The following LPXN variants were observed in gnomAD, a reference collection of about 807,000 sequenced individuals.
LPXN encodes leupaxin.
Under a neutral mutation model 45.6 loss-of-function variants are expected in LPXN, and 28 were observed. The ratio of observed to expected loss-of-function variants is 0.61; its 90% CI spans 0.45 to 0.84. The LOEUF is 0.84. Among genes scored for constraint, LPXN ranks in the 40% least tolerant of loss-of-function variants. The pLI is 0.00. For missense variants in LPXN, 459 were observed against 475.0 expected (o/e 0.97, Z 0.31); for synonymous variants, 166 against 169.9 (o/e 0.98, Z 0.18).
intron 7 of LPXN, among the ~76,000 whole-genome samples, chr11:58,535,048 AG>A (rs1853507357): frequency 1.3e-5 from 2 of 152,208 alleles, no homozygotes; most frequent in Non-Finnish European, 2.9e-5. Flanking sequence ...ACCAAAAAAA[AG>A]TCCGGGACCA....
chr11:58,528,013 T>C (rs1183566015), intron 8 of LPXN, 30 bp downstream of exon 8: 1 of 1,600,376 alleles, frequency 6.2e-7, no homozygotes, highest in African/African-American at 1.3e-5. Flanking sequence ...TGACTTTCCC[T>C]AAGTCCGAAA....
Position 58,550,023 on chromosome 11 carries a change from G to A in LPXN, c.610C>T (p.His204Tyr). 1 of 1,614,228 alleles carries A rather than the reference G, an allele frequency of 6.2e-7. No homozygotes were observed. The highest frequency in any genetic ancestry group is 8.5e-7 in the Non-Finnish European group (1 of 1,180,048). ...GCACAGCGTGGAGAAAAAAGTTGGTGGTAGTCGTTGGGGCAGTAGGCCAAG... is the reference window on the plus strand; with the variant it reads ...GCACAGCGTGGAGAAAAAAGTTGGTAGTAGTCGTTGGGGCAGTAGGCCAAG... ...SGLAYCPNDY[H>Y]QLFSPRCAYC... is the part of the protein sequence containing the mutation. The change falls in exon 6 of 9, where the codon CAC becomes TAC. Residue 204 changes from histidine to tyrosine, a missense_variant. Transcript: ENST00000395074.
Position 58,575,816 on chromosome 11 carries a change from C to T in LPXN, c.-44G>A. The T allele has an allele frequency of 6.2e-7, 1 of 1,614,166 alleles. No individual in the cohort carries two copies. Among genetic ancestry groups the T allele is most frequent in the Non-Finnish European group, 8.5e-7 (1 of 1,180,018 alleles). On this transcript the variant is annotated 5_prime_UTR_variant, in exon 1 of 9. Transcript: ENST00000395074. The stretch of plus-strand genomic sequence containing the variant: ...CTCTTGTCTCACAGGCCGTGAGGAA[C>T]AGCTTTGGCATGTGCTGAAGAAGAG...
intron 1 of LPXN, among the ~76,000 whole-genome samples, chr11:58,574,508 ATAAG>A (rs1248483618): frequency 2.6e-5 from 4 of 152,174 alleles, no homozygotes; most frequent in East Asian, 3.9e-4. Context: ...GATTTACTAA[ATAAG>A]TATTAGTTTC....
chr11:58,548,802 A>C (rs1456170471), intron 7 of LPXN, among the ~76,000 whole-genome samples: 3 of 152,182 alleles, frequency 2.0e-5, no homozygotes, highest in African/African-American at 4.8e-5. Flanking sequence ...CAAATACCAC[A>C]ACCCAGATTT....
intron 5 of LPXN, 88 bp from the exon 6 acceptor site, chr11:58,550,234 A>G: frequency 8.1e-7 from 1 of 1,237,412 alleles, no homozygotes; most frequent in Non-Finnish European, 1.2e-6. Context: ...CACTCTTCAC[A>G]TTGTACCCCT....
intron 1 of LPXN, among the ~76,000 whole-genome samples, chr11:58,574,155 G>A (rs940579225): frequency 9.9e-5 from 15 of 152,156 alleles, no homozygotes; most frequent in African/African-American, 3.4e-4. Context: ...GTAGCCAACT[G>A]GATAATCTGC....
At chr11:58,571,128 G>C (rs1854682907) in intron 1 of LPXN, among the ~76,000 whole-genome samples, 1 of 152,024 alleles carries the variant, frequency 6.6e-6, no homozygotes. Context: ...GATCCCTTGA[G>C]CCTAGGAGTT....
upstream of LPXN, chr11:58,578,042 G>A: frequency 1.9e-6 from 3 of 1,550,936 alleles, no homozygotes; most frequent in East Asian, 2.4e-5. Context: ...CAATAATGTA[G>A]ACATGAACGC....
intron 4 of LPXN, 124 bp from the exon 5 acceptor site, chr11:58,551,356 A>G: frequency 1.4e-6 from 1 of 709,590 alleles, no homozygotes; most frequent in Non-Finnish European, 2.0e-6. Context: ...CCTTCCTGCA[A>G]GACATTGGAA....
At chr11:58,561,546 T>A (rs1854377496) in intron 3 of LPXN, among the ~76,000 whole-genome samples, 1 of 152,224 alleles carries the variant, frequency 6.6e-6, no homozygotes, top group African/African-American at 2.4e-5. Flanking sequence ...TGGAGCTTTT[T>A]CTCACAGCTC....
chr11:58,550,496 G>A (rs984799313), intron 5 of LPXN, among the ~76,000 whole-genome samples: 2 of 152,202 alleles, frequency 1.3e-5, no homozygotes, highest in African/African-American at 4.8e-5. Flanking sequence ...CCCTGGAAGA[G>A]GAAAAGGCCA....
chr11:58,567,131 C>G (rs1232604582), intron 2 of LPXN, among the ~76,000 whole-genome samples: 1 of 152,132 alleles, frequency 6.6e-6, no homozygotes, highest in African/African-American at 2.4e-5. Context: ...CACATTACAA[C>G]CAATTCCAAG....
At chr11:58,553,152 A>G (rs1854098837) in intron 4 of LPXN, among the ~76,000 whole-genome samples, 1 of 152,104 alleles carries the variant, frequency 6.6e-6, no homozygotes, top group Non-Finnish European at 1.5e-5. Context: ...TCTGGGCAAC[A>G]TAGCAAAACC....
At chr11:58,551,685 T>C (rs1590556326) in intron 4 of LPXN, among the ~76,000 whole-genome samples, 2 of 152,280 alleles carry the variant, frequency 1.3e-5, no homozygotes, top group East Asian at 1.9e-4. Flanking sequence ...CTGTGGGCGA[T>C]AGACAATAAA....
At position 58,550,603 on chromosome 11, in the gene LPXN, GCAGAA is replaced by G. The variant is rs151252103; in HGVS notation, c.486+457_487-458del. ...TATCATAGCTTCGGTGAAGGACGAT[GCAGAA>G]CAGGAGTTTGCAGCTGTGACTTGGA... On this transcript the variant is annotated intron_variant, in intron 5 of 8. Coordinates refer to ENST00000395074, the MANE Select transcript of LPXN (RefSeq NM_004811.3). 9.9e-3 allele frequency among the ~76,000 whole-genome samples: 1,511 copies of G among 152,318 alleles called. 25 individuals are homozygous for G. The highest frequency in any genetic ancestry group is 0.035 in the African/African-American group (1,456 of 41,558).
intron 5 of LPXN, among the ~76,000 whole-genome samples, 175 bp from the exon 6 acceptor site, chr11:58,550,321 G>A (rs945896414): frequency 1.3e-5 from 2 of 152,176 alleles, no homozygotes; most frequent in Admixed American, 1.3e-4. Flanking sequence ...TGTGGTCTGT[G>A]CTTTATGGAT....
At chr11:58,541,957 G>A (rs1253012069) in intron 7 of LPXN, among the ~76,000 whole-genome samples, 5 of 151,368 alleles carry the variant, frequency 3.3e-5, no homozygotes, top group South Asian at 2.1e-4. Flanking sequence ...ACCAAACACC[G>A]CATGTTCTCA....
chr11:58,530,412 C>T (rs1853352914), intron 7 of LPXN, among the ~76,000 whole-genome samples: 1 of 152,194 alleles, frequency 6.6e-6, no homozygotes, highest in Non-Finnish European at 1.5e-5. Context: ...TTTACCTTCA[C>T]AGTGTAAACA....
Sources: gnomAD v4.1 joint callset for allele counts (sites outside exome capture counted in the v4.1 genomes callset) on GRCh38, gnomAD v4.1.1 for gene constraint, MANE v1.5 for transcripts, NCBI Gene and HGNC (gene_info 2026-07-23, HGNC 2026-07-21) for gene names.